Variants in PSMB2 observed in about 807,000 individuals in gnomAD.
PSMB2 encodes proteasome 20S subunit beta 2, also known as proteasome subunit beta type-2.
Under a neutral mutation model 25.7 loss-of-function variants are expected in PSMB2, and 13 were observed. That is an observed-to-expected ratio of 0.51 (90% CI 0.33 to 0.80). The LOEUF (loss-of-function observed/expected upper bound fraction) is 0.80, where lower values mean the gene tolerates loss of function less well. PSMB2 is among the 30% of genes least tolerant of loss of function. PSMB2 has a pLI of 0.02. For synonymous variants in PSMB2, 87 were observed against 96.2 expected (o/e 0.90, Z 0.56); for missense variants, 202 against 259.0 (o/e 0.78, Z 1.51).
At chr1:35,610,659 C>G (rs7533753) in intron 3 of PSMB2, among the ~76,000 whole-genome samples, 17,407 of 152,016 alleles carry the variant, frequency 0.11, 2,541 homozygotes, top group East Asian at 0.68. Context: ...CCACACCCGG[C>G]TAATTTTCGT....
At chr1:35,614,752 T>C (rs983992990) in intron 3 of PSMB2, among the ~76,000 whole-genome samples, 1 of 152,182 alleles carries the variant, frequency 6.6e-6, no homozygotes, top group African/African-American at 2.4e-5. Context: ...TGTGTCTAAT[T>C]GATATACAAA....
At chr1:35,626,154 GAGCATAGTATA>G (rs1374745084) in intron 3 of PSMB2, among the ~76,000 whole-genome samples, 7 of 152,098 alleles carry the variant, frequency 4.6e-5, no homozygotes, top group African/African-American at 1.7e-4. Context: ...AGCAAGCCTT[GAGCATAGTATA>G]AGCCCTTTTT....
At chr1:35,606,279 C>G (rs1444135746) in intron 4 of PSMB2, among the ~76,000 whole-genome samples, 1 of 152,172 alleles carries the variant, frequency 6.6e-6, no homozygotes, top group Admixed American at 6.5e-5. Flanking sequence ...TTGCAGATGA[C>G]ATGATCTTCT....
chr1:35,638,846 T>C lies in PSMB2; in HGVS notation c.92-2414A>G, dbSNP rs186308125. 1.5e-3 allele frequency among the ~76,000 whole-genome samples: 233 copies of C among 152,336 alleles called. 2 individuals carry two copies. Among genetic ancestry groups the C allele is most frequent in the African/African-American group, 5.4e-3 (223 of 41,584 alleles). On this transcript the variant is annotated intron_variant, in intron 1 of 5. Transcript: ENST00000373237. The stretch of plus-strand genomic sequence containing the variant: ...CAAAGTGACATACTGGACAATTGAT[T>C]GGAAGTTGTATTATCATTTTATACT...
intron 5 of PSMB2, among the ~76,000 whole-genome samples, 189 bp from the exon 6 acceptor site, chr1:35,603,563 A>C (rs1394176039): frequency 6.6e-6 from 1 of 152,166 alleles, no homozygotes; most frequent in African/African-American, 2.4e-5. Context: ...CAGCAGCTGG[A>C]GGATGACTGG....
At chr1:35,619,535 T>G (rs1365792696) in intron 3 of PSMB2, among the ~76,000 whole-genome samples, 5 of 152,340 alleles carry the variant, frequency 3.3e-5, no homozygotes, top group African/African-American at 9.6e-5. Context: ...TCACTCGTGT[T>G]AAAGTTCCTG....
At chr1:35,603,842 C>T (rs1650079453) in intron 5 of PSMB2, among the ~76,000 whole-genome samples, 1 of 152,006 alleles carries the variant, frequency 6.6e-6, no homozygotes, top group South Asian at 2.1e-4. Context: ...GAGTTCAAGA[C>T]CAGCCTAGGT....
intron 1 of PSMB2, 115 bp downstream of exon 1, chr1:35,641,227 G>A (rs2148581131): frequency 7.6e-7 from 1 of 1,317,698 alleles, no homozygotes; most frequent in Middle Eastern, 2.6e-4. Flanking sequence ...GTACGGGCAG[G>A]GCAGGCCGGC....
At chr1:35,634,052 C>T (rs985056809) in intron 2 of PSMB2, among the ~76,000 whole-genome samples, 1 of 152,156 alleles carries the variant, frequency 6.6e-6, no homozygotes, top group Non-Finnish European at 1.5e-5. Flanking sequence ...TGGCTAGTAT[C>T]GTTTGCTAGG....
chr1:35,633,129 G>A (rs781233576), intron 2 of PSMB2, among the ~76,000 whole-genome samples: 2 of 151,374 alleles, frequency 1.3e-5, no homozygotes, highest in East Asian at 1.9e-4. Flanking sequence ...GCTGAGGCAC[G>A]AGAATCACTT....
intron 3 of PSMB2, among the ~76,000 whole-genome samples, chr1:35,628,629 A>ATTTTTTTTTTTTTTTTT (rs1401010119): frequency 2.3e-5 from 1 of 43,596 alleles, no homozygotes; most frequent in African/African-American, 1.1e-4. Context: ...ATATATATAT[A>ATTTTTTTTTTTTTTTTT]TATTTTTTTT....
Position 35,636,591 on chromosome 1 carries a change from GA to G in PSMB2, c.92-160del, listed in dbSNP as rs201408647. ...ACAAACTATGGATCAAAATTATTCA[GA>G]AAAAAAAAAAAATGGATGCTTGCAT... On this transcript the variant is annotated intron_variant, in intron 1 of 5. Coordinates refer to ENST00000373237, the MANE Select transcript of PSMB2 (RefSeq NM_002794.5). Among the ~76,000 whole-genome samples the G allele has an allele frequency of 5.2e-3, 724 of 138,732 alleles. 6 individuals carry two copies. Among genetic ancestry groups the G allele is most frequent in the African/African-American group, 0.015 (585 of 38,882 alleles). The allele number at this position is 138,732 out of a possible 152,430, so 91.0% of individuals were successfully genotyped here.
rs1269107912 is a variant in PSMB2 at position 35,605,299 on chromosome 1, A to C, written c.449-17T>G. The C allele has an allele frequency of 1.2e-6, 2 of 1,610,488 alleles. No homozygotes were observed. The highest frequency in any genetic ancestry group is 1.7e-4 in the Middle Eastern group (1 of 6,038). ...GTGAGATAGCTGAAAGAGAACACAG[A>C]GACCAAATACTTCCGGTGCTGTCAT... On this transcript the variant is annotated splice_polypyrimidine_tract_variant and intron_variant, in intron 4 of 5. Coordinates refer to ENST00000373237, the MANE Select transcript of PSMB2 (RefSeq NM_002794.5).
Position 35,600,965 on chromosome 1 carries a change from G to A in PSMB2, c.*2302C>T. 2 of 983,830 alleles carry A rather than the reference G, an allele frequency of 2.0e-6. No homozygotes were observed. Among genetic ancestry groups the A allele is most frequent in the Non-Finnish European group, 2.4e-6 (2 of 829,590 alleles). The allele number at this position is 983,830 out of a possible 1,614,324, so 60.9% of individuals were successfully genotyped here. ...ACCACATAGAATAGGTGCTATTTCA[G>A]TCATTGTACAGATGGGAAAATCATG... is the stretch of plus-strand genomic sequence containing the variant. On this transcript the variant is annotated 3_prime_UTR_variant, in exon 6 of 6. Transcript: ENST00000373237.
rs1208472961 is a variant in PSMB2 at position 35,601,756 on chromosome 1, G to C, written c.*1511C>G. 4.1e-6 allele frequency: 4 copies of C among 985,272 alleles called. No homozygotes were observed. The highest frequency in any genetic ancestry group is 4.8e-6 in the Non-Finnish European group (4 of 829,902). 61.0% of individuals were successfully genotyped at this position (985,272 alleles called of 1,614,324 possible). On this transcript the variant is annotated 3_prime_UTR_variant, in exon 6 of 6. Transcript: ENST00000373237. ...GGAGACCAAATGGTTTTGATATGTG[G>C]TTCCTAGACCAGCAGCATCAGTAGC...
intron 3 of PSMB2, among the ~76,000 whole-genome samples, chr1:35,628,627 ATATATTTT>A (rs1372130830): frequency 5.1e-4 from 22 of 42,952 alleles, no homozygotes; most frequent in African/African-American, 1.8e-3. Flanking sequence ...ATATATATAT[ATATATTTT>A]TTTTTTTTTT....
chr1:35,605,804 G>A (rs1317214983), intron 4 of PSMB2, among the ~76,000 whole-genome samples: 1 of 152,192 alleles, frequency 6.6e-6, no homozygotes, highest in Non-Finnish European at 1.5e-5. Context: ...GTCTGTGGGC[G>A]TGGCAAACTG....
rs952217473 is a variant in PSMB2, at chr1:35,601,703, A to G, written c.*1564T>C. The G allele has an allele frequency of 4.1e-6, 4 of 985,334 alleles. No homozygotes were observed. The Admixed American group carries it at 2.5e-4, about 61-fold the overall frequency. 61.0% of individuals were successfully genotyped at this position (985,334 alleles called of 1,614,324 possible). A position where few individuals can be genotyped will look rare whatever the true frequency, so the allele number is the denominator to read the frequency against. On this transcript the variant is annotated 3_prime_UTR_variant, in exon 6 of 6. Coordinates refer to ENST00000373237, the MANE Select transcript of PSMB2 (RefSeq NM_002794.5). The stretch of plus-strand genomic sequence containing the variant: ...TATATGATATTAAGAGGAGCACAGA[A>G]TTGGATAAAGTAGGGTTTATCTTAG...
intron 2 of PSMB2, among the ~76,000 whole-genome samples, chr1:35,634,977 A>T (rs1651204491): frequency 6.6e-6 from 1 of 152,044 alleles, no homozygotes. Context: ...TTTTTGTAGA[A>T]GGCCGGGCGT....
Sources: allele counts gnomAD v4.1 joint callset (sites outside exome capture counted in the v4.1 genomes callset), GRCh38; gene constraint gnomAD v4.1.1; transcripts MANE v1.5; gene names NCBI Gene and HGNC (gene_info 2026-07-23, HGNC 2026-07-21).